DGKK: variants seen among roughly 807,000 people sequenced by gnomAD.
The protein encoded by DGKK is 142 kDa diacylglycerol kinase.
Under a neutral mutation model 92.2 loss-of-function variants are expected in DGKK, and 35 were observed. The observed-to-expected ratio is 0.38, with a 90% CI of 0.29 to 0.50. DGKK has a LOEUF of 0.50. DGKK is among the 20% of genes least tolerant of loss of function. The pLI is 0.92. For synonymous variants in DGKK, 368 were observed against 360.6 expected (o/e 1.02, Z -0.23); for missense variants, 910 against 992.2 (o/e 0.92, Z 1.11).
intron 2 of DGKK, 117 bp downstream of exon 2, chrX:50,424,131 G>A: frequency 1.8e-6 from 1 of 567,919 alleles, no homozygotes. Flanking sequence ...AAGAGTAGAG[G>A]GCTTCAACTT....
chrX:50,444,183 G>A lies in DGKK; in HGVS notation c.646-19825C>T, dbSNP rs1434531096. On this transcript the variant is annotated intron_variant, in intron 1 of 27. Transcript: ENST00000611977. Reference sequence around the variant, plus strand: ...TTCTCTGGAATATATGCCCAAGAGTGTAATTGCTGGGTCATATGGTACATC... The same window carrying A: ...TTCTCTGGAATATATGCCCAAGAGTATAATTGCTGGGTCATATGGTACATC... 8.1e-5 allele frequency among the ~76,000 whole-genome samples: 9 copies of A among 111,770 alleles called. No individual in the cohort carries two copies. In the South Asian group the frequency reaches 1.1e-3, roughly 14 times the overall value.
intron 1 of DGKK, among the ~76,000 whole-genome samples, chrX:50,434,226 G>A (rs1557230564): frequency 1.8e-5 from 2 of 111,285 alleles, no homozygotes; most frequent in Admixed American, 1.9e-4. Context: ...TCTTCTCTAA[G>A]TTTCTCTTCA....
intron 13 of DGKK, 146 bp downstream of exon 13, chrX:50,388,381 C>T (rs1013313515): frequency 4.3e-6 from 2 of 467,504 alleles, no homozygotes; most frequent in Admixed American, 8.2e-5. Context: ...CCTAAACTTT[C>T]CATTCAGGGG....
chrX:50,441,743 C>T (rs1926178388), intron 1 of DGKK, among the ~76,000 whole-genome samples: 1 of 111,570 alleles, frequency 9.0e-6, no homozygotes, highest in African/African-American at 3.3e-5. Flanking sequence ...TTCTTAATAG[C>T]ATCTATTTCT....
intron 1 of DGKK, among the ~76,000 whole-genome samples, chrX:50,436,555 C>T (rs1926032766): frequency 8.9e-6 from 1 of 112,077 alleles, no homozygotes; most frequent in South Asian, 3.7e-4. Context: ...TGGTATGAAT[C>T]ACAGCTTGTT....
chrX:50,461,655 T>C (rs1926750109), intron 1 of DGKK, among the ~76,000 whole-genome samples: 1 of 111,963 alleles, frequency 8.9e-6, no homozygotes. Context: ...GTTTTGGTAA[T>C]TGAGTCTCTC....
chrX:50,397,053 T>A (rs1304586904), intron 8 of DGKK, among the ~76,000 whole-genome samples: 3 of 111,958 alleles, frequency 2.7e-5, no homozygotes, highest in Non-Finnish European at 5.6e-5. Context: ...AGGGAATAAA[T>A]GTGAAGCTTG....
chrX:50,469,049 G>T (rs1479966838), intron 1 of DGKK, among the ~76,000 whole-genome samples: 1 of 110,890 alleles, frequency 9.0e-6, no homozygotes, highest in Non-Finnish European at 1.9e-5. Flanking sequence ...GAGCAGACGG[G>T]GTTTCAGGGT....
intron 4 of DGKK, among the ~76,000 whole-genome samples, chrX:50,416,299 G>T (rs2147134459): frequency 8.9e-6 from 1 of 111,854 alleles, no homozygotes; most frequent in African/African-American, 3.2e-5. Context: ...GGCAGCTAAG[G>T]GTACTTTCTC....
intron 1 of DGKK, among the ~76,000 whole-genome samples, chrX:50,464,088 T>C (rs1557233704): frequency 9.2e-6 from 1 of 109,099 alleles, no homozygotes; most frequent in African/African-American, 3.3e-5. Flanking sequence ...TGAATTTGAG[T>C]CAACTCCCAT....
At chrX:50,376,998 G>A (rs1924293167) in intron 22 of DGKK, 80 bp from the exon 23 acceptor site, 6 of 1,012,677 alleles carry the variant, frequency 5.9e-6, no homozygotes, top group South Asian at 2.7e-5. Flanking sequence ...TGAGCCTGAC[G>A]TTTGTGGGCA....
rs1557222421 is a variant in DGKK, at chrX:50,365,569, A to G, written c.*3371T>C. The G allele has an allele frequency of 9.0e-6, 1 of 110,898 alleles. No individual in the cohort carries two copies. The highest frequency in any genetic ancestry group is 1.9e-5 in the Non-Finnish European group (1 of 52,958). 9.1% of individuals were successfully genotyped at this position (110,898 alleles called of 1,213,427 possible). On this transcript the variant is annotated 3_prime_UTR_variant, in exon 28 of 28. Coordinates refer to ENST00000611977, the MANE Select transcript of DGKK (RefSeq NM_001013742.4). The stretch of plus-strand genomic sequence containing the variant: ...GTAAATACCCCAGCTTCCTCCCCCA[A>G]CCAGCCCCTGGCCCTGCTGCTTATT...
At chrX:50,395,329 T>C (rs1389363303) in intron 8 of DGKK, among the ~76,000 whole-genome samples, 1 of 111,192 alleles carries the variant, frequency 9.0e-6, no homozygotes, top group Non-Finnish European at 1.9e-5. Flanking sequence ...CAACCCTCTG[T>C]CAACACCCTC....
At chrX:50,461,450 T>TG (rs782321438) in intron 1 of DGKK, among the ~76,000 whole-genome samples, 194 of 112,231 alleles carry the variant, frequency 1.7e-3, no homozygotes, top group Admixed American at 0.016. Flanking sequence ...CTCTGAGTGG[T>TG]GGGGTACTAG....
intron 8 of DGKK, among the ~76,000 whole-genome samples, chrX:50,398,010 G>A (rs1924899732): frequency 9.0e-6 from 1 of 111,242 alleles, no homozygotes; most frequent in Non-Finnish European, 1.9e-5. Flanking sequence ...GGACCCTAAA[G>A]GATAAGAGAA....
At chrX:50,420,760 T>C (rs1424700889) in intron 3 of DGKK, among the ~76,000 whole-genome samples, 4 of 112,453 alleles carry the variant, frequency 3.6e-5, no homozygotes, top group Non-Finnish European at 7.5e-5. Flanking sequence ...AAGCACTTTA[T>C]GCATATGATT....
chrX:50,390,458 G>A (rs782634638), intron 11 of DGKK, 49 bp from the exon 12 acceptor site: 1 of 1,073,888 alleles, frequency 9.3e-7, no homozygotes, highest in South Asian at 1.9e-5. Context: ...TTCATGACTG[G>A]TAAAAATTAG....
chrX:50,459,257 A>G (rs17281468), intron 1 of DGKK, among the ~76,000 whole-genome samples: 49,636 of 110,025 alleles, frequency 0.45, 9,730 homozygotes, highest in African/African-American at 0.76. Flanking sequence ...AACACCAAGT[A>G]CCTAATTATT....
rs1924013909 is a variant in DGKK at position 50,367,982 on chromosome X, T to C, written c.*958A>G. The C allele has an allele frequency of 9.3e-6, 1 of 107,110 alleles. No homozygotes were observed. 8.8% of individuals were successfully genotyped at this position (107,110 alleles called of 1,213,427 possible). Reference sequence around the variant, plus strand: ...TATTGTTATGTAGAGTAAGGGGGAGTGGGAAGGGATTCCTGGATTAGCACA... The same window carrying C: ...TATTGTTATGTAGAGTAAGGGGGAGCGGGAAGGGATTCCTGGATTAGCACA... On this transcript the variant is annotated 3_prime_UTR_variant, in exon 28 of 28. Transcript: ENST00000611977.
Sources: gnomAD v4.1 joint callset for allele counts (sites outside exome capture counted in the v4.1 genomes callset) on GRCh38, gnomAD v4.1.1 for gene constraint, MANE v1.5 for transcripts, NCBI Gene and HGNC (gene_info 2026-07-23, HGNC 2026-07-21) for gene names.